The following H2AZ1 variants were observed in gnomAD, a reference collection of about 807,000 sequenced individuals.
H2AZ1 encodes histone H2A.Z.
In H2AZ1, 3 loss-of-function variants were observed where a neutral mutation model predicts 16.6. That is an observed-to-expected ratio of 0.18 (90% CI 0.08 to 0.47). H2AZ1 has a LOEUF of 0.47. Ranked by LOEUF, H2AZ1 falls within the 20% of genes least tolerant of loss-of-function variation. The probability of loss-of-function intolerance (pLI) is 0.98; values close to 1 mark genes in which losing one functional copy is unlikely to be tolerated. For synonymous variants in H2AZ1, 78 were observed against 60.7 expected (o/e 1.28, Z -1.32); for missense variants, 27 against 163.6 (o/e 0.17, Z 4.55).
intron 3 of H2AZ1, 44 bp downstream of exon 3, chr4:99,949,229 C>G (rs1369889079): frequency 2.5e-6 from 3 of 1,202,730 alleles, no homozygotes; most frequent in East Asian, 2.3e-5. Flanking sequence ...GCCGCCTCCC[C>G]GCCCCCCAAA....
In H2AZ1 at chr4:99,948,956, T is replaced by C. The variant is rs752531577; in HGVS notation, c.196-16A>G. The C allele has an allele frequency of 4.2e-6, 6 of 1,444,844 alleles. No homozygotes were observed. The African/African-American group carries it at 5.6e-5, about 13-fold the overall frequency. 89.5% of individuals were successfully genotyped at this position (1,444,844 alleles called of 1,614,324 possible). A position where few individuals can be genotyped will look rare whatever the true frequency, so the allele number is the denominator to read the frequency against. On this transcript the variant is annotated splice_polypyrimidine_tract_variant and intron_variant, in intron 3 of 4. Transcript: ENST00000296417. The stretch of plus-strand genomic sequence containing the variant: ...GTTCAAGTACCTAAAAGGCAGAATC[T>C]GTCAGTTGCCTTCCAACTTTCCTTT...
At chr4:99,949,606 A>G in intron 2 of H2AZ1, 57 bp downstream of exon 2, 1 of 1,521,302 alleles carries the variant, frequency 6.6e-7, no homozygotes, top group South Asian at 1.1e-5. Flanking sequence ...TGAATAACAA[A>G]AAAGGAAATG....
rs137864981 is a variant in H2AZ1, at chr4:99,950,224, C to G, written c.-54G>C. On this transcript the variant is annotated 5_prime_UTR_variant, in exon 1 of 5. Transcript: ENST00000296417. ...AAGGCAGAGAAAAGGCTAATCGGAC[C>G]CACGGTGAGATCCCACCACCTACTC... is the stretch of plus-strand genomic sequence containing the variant. 8,902 of 1,581,918 alleles carry G rather than the reference C, an allele frequency of 5.6e-3. 52 individuals are homozygous for G. The highest frequency in any genetic ancestry group is 0.014 in the South Asian group (1,231 of 88,800).
chr4:99,948,341 A>T lies in H2AZ1; in HGVS notation c.*121T>A. On this transcript the variant is annotated 3_prime_UTR_variant, in exon 5 of 5. Transcript: ENST00000296417. The stretch of plus-strand genomic sequence containing the variant: ...GCTAATTAAACTTCCAACTTGCTCA[A>T]ATAGAATTACAAAAAGGCAAAATTG... The T allele has an allele frequency of 1.3e-6, 1 of 760,164 alleles. No individual in the cohort carries two copies. The highest frequency in any genetic ancestry group is 2.4e-6 in the Non-Finnish European group (1 of 413,168). 47.1% of individuals were successfully genotyped at this position (760,164 alleles called of 1,614,324 possible). A position where few individuals can be genotyped will look rare whatever the true frequency, so the allele number is the denominator to read the frequency against.
At position 99,950,248 on chromosome 4, in the gene H2AZ1, T is replaced by G. The variant is rs1578249071; in HGVS notation, c.-78A>C. The G allele has an allele frequency of 7.3e-7, 1 of 1,378,078 alleles. No individual in the cohort carries two copies. The highest frequency in any genetic ancestry group is 2.3e-5 in the East Asian group (1 of 43,304). The allele number at this position is 1,378,078 out of a possible 1,614,324, so 85.4% of individuals were successfully genotyped here. On this transcript the variant is annotated 5_prime_UTR_variant, in exon 1 of 5. Coordinates refer to ENST00000296417, the MANE Select transcript of H2AZ1 (RefSeq NM_002106.4). ...CCCACGGTGAGATCCCACCACCTAC[T>G]CCTTCGTCGCACCGCGATTCAAACT...
At chr4:99,950,100 C>T in intron 1 of H2AZ1, 68 bp downstream of exon 1, 1 of 1,538,316 alleles carries the variant, frequency 6.5e-7, no homozygotes, top group Non-Finnish European at 8.9e-7. Flanking sequence ...CCCCATCCCT[C>T]TGTGTAACGG....
In H2AZ1 at chr4:99,949,253, A is replaced by T; in HGVS notation, c.195+20T>A. 1 of 1,415,130 alleles carries T rather than the reference A, an allele frequency of 7.1e-7. No individual in the cohort carries two copies. The highest frequency in any genetic ancestry group is 9.9e-7 in the Non-Finnish European group (1 of 1,006,958). 87.7% of individuals were successfully genotyped at this position (1,415,130 alleles called of 1,614,324 possible). A position where few individuals can be genotyped will look rare whatever the true frequency, so the allele number is the denominator to read the frequency against. On this transcript the variant is annotated intron_variant, in intron 3 of 4. Coordinates refer to ENST00000296417, the MANE Select transcript of H2AZ1 (RefSeq NM_002106.4). ...CCGCCCCCCAAACCTTCTCCGGATT[A>T]TAGGCGTTCACCCATTTACCTCTGC...
At chr4:99,949,826 G>A (rs1727235448) in intron 1 of H2AZ1, 86 bp from the exon 2 acceptor site, 3 of 1,075,134 alleles carry the variant, frequency 2.8e-6, no homozygotes, top group Non-Finnish European at 1.3e-6. Flanking sequence ...ACCGCGGCGC[G>A]TCCCGCCGCG....
chr4:99,948,382 T>A lies in H2AZ1; in HGVS notation c.*80A>T. 1 of 892,820 alleles carries A rather than the reference T, an allele frequency of 1.1e-6. No homozygotes were observed. The highest frequency in any genetic ancestry group is 1.6e-5 in the African/African-American group (1 of 61,002). The allele number at this position is 892,820 out of a possible 1,614,324, so 55.3% of individuals were successfully genotyped here. Reference sequence around the variant, plus strand: ...GGCAAAATTGTGTTTTTCACAGAGATACAGTCCACTGGAATCACCAACACT... The same window carrying A: ...GGCAAAATTGTGTTTTTCACAGAGAAACAGTCCACTGGAATCACCAACACT... On this transcript the variant is annotated 3_prime_UTR_variant, in exon 5 of 5. Transcript: ENST00000296417.
intron 3 of H2AZ1, 134 bp from the exon 4 acceptor site, chr4:99,949,074 G>A: frequency 5.6e-6 from 4 of 711,724 alleles, no homozygotes; most frequent in Non-Finnish European, 7.5e-6. Flanking sequence ...GATATACAGG[G>A]GGCACGCAAT....
chr4:99,949,836 G>C (rs28635099), intron 1 of H2AZ1, 96 bp from the exon 2 acceptor site: 1 of 970,800 alleles, frequency 1.0e-6, no homozygotes, highest in African/African-American at 1.7e-5. Context: ...GTCCCGCCGC[G>C]AGCGCGTCCC....
rs781666157 is a variant in H2AZ1 at position 99,949,586 on chromosome 4, T to C, written c.81+77A>G. 7 of 1,397,892 alleles carry C rather than the reference T, an allele frequency of 5.0e-6. No homozygotes were observed. The African/African-American group carries it at 9.9e-5, about 20-fold the overall frequency. The allele number at this position is 1,397,892 out of a possible 1,614,324, so 86.6% of individuals were successfully genotyped here. A position where few individuals can be genotyped will look rare whatever the true frequency, so the allele number is the denominator to read the frequency against. ...CACCCACGCATACACAAAACGCCCATCGAGAGCGATGAATAACAAAAAAGG... is the reference window on the plus strand; with the variant it reads ...CACCCACGCATACACAAAACGCCCACCGAGAGCGATGAATAACAAAAAAGG... On this transcript the variant is annotated intron_variant, in intron 2 of 4. Transcript: ENST00000296417.
In H2AZ1 at chr4:99,948,429, G is replaced by A. The variant is rs1457588320; in HGVS notation, c.*33C>T. ...CACTGGACAGCTGTTAGAGTATTTA[G>A]AGTCCTGAGATAACAAGGAATCCAG... On this transcript the variant is annotated 3_prime_UTR_variant, in exon 5 of 5. Transcript: ENST00000296417. 3.5e-6 allele frequency: 4 copies of A among 1,149,454 alleles called. No individual in the cohort carries two copies. Among genetic ancestry groups the A allele is most frequent in the Admixed American group, 1.7e-5 (1 of 59,218 alleles). 71.2% of individuals were successfully genotyped at this position (1,149,454 alleles called of 1,614,324 possible).
chr4:99,950,138 G>T (rs1050354093), intron 1 of H2AZ1, 30 bp downstream of exon 1: 2 of 1,606,744 alleles, frequency 1.2e-6, no homozygotes, highest in African/African-American at 2.7e-5. Context: ...AAAAACCCGC[G>T]GAGTCATCGA....
chr4:99,949,452 T>C (rs775733462), intron 2 of H2AZ1, 66 bp from the exon 3 acceptor site: 2 of 1,159,456 alleles, frequency 1.7e-6, no homozygotes, highest in Non-Finnish European at 2.6e-6. Context: ...GGAAATTATA[T>C]GCGCGCCAAA....
In H2AZ1 at chr4:99,948,440, T is replaced by C. The variant is rs763465722; in HGVS notation, c.*22A>G. On this transcript the variant is annotated 3_prime_UTR_variant, in exon 5 of 5. Transcript: ENST00000296417. ...TGTTAGAGTATTTAGAGTCCTGAGA[T>C]AACAAGGAATCCAGGCATCCTTTAG... is the stretch of plus-strand genomic sequence containing the variant. The C allele has an allele frequency of 1.6e-6, 2 of 1,277,172 alleles. No homozygotes were observed. Among genetic ancestry groups the C allele is most frequent in the Admixed American group, 1.7e-5 (1 of 59,480 alleles). The allele number at this position is 1,277,172 out of a possible 1,614,324, so 79.1% of individuals were successfully genotyped here. A position where few individuals can be genotyped will look rare whatever the true frequency, so the allele number is the denominator to read the frequency against.
At chr4:99,949,855 G>C (rs1407749290) in intron 1 of H2AZ1, 115 bp from the exon 2 acceptor site, 1 of 547,752 alleles carries the variant, frequency 1.8e-6, no homozygotes, top group Non-Finnish European at 2.7e-6. Context: ...CCCGCACCCT[G>C]CCGGGGTCTC....
At chr4:99,948,790 A>G (rs763370339) in intron 4 of H2AZ1, 21 bp downstream of exon 4, 27 of 1,575,954 alleles carry the variant, frequency 1.7e-5, no homozygotes, top group Non-Finnish European at 2.1e-5. Context: ...AAATTTTTTA[A>G]AATGTTAGAA....
At chr4:99,949,451 ATG>A in intron 2 of H2AZ1, 65 bp from the exon 3 acceptor site, 1 of 1,156,348 alleles carries the variant, frequency 8.6e-7, no homozygotes, top group Non-Finnish European at 1.3e-6. Context: ...GGGAAATTAT[ATG>A]CGCGCCAAAG....
Sources: allele counts gnomAD v4.1 joint callset, GRCh38; gene constraint gnomAD v4.1.1; transcripts MANE v1.5; gene names NCBI Gene and HGNC (gene_info 2026-07-23, HGNC 2026-07-21).